SH3RF3: variants seen among roughly 807,000 people sequenced by gnomAD.
SH3RF3 encodes E3 ubiquitin-protein ligase SH3RF3.
In SH3RF3, 29 loss-of-function variants were observed where a neutral mutation model predicts 66.3. The ratio of observed to expected loss-of-function variants is 0.44; its 90% CI spans 0.33 to 0.60. SH3RF3 has a LOEUF of 0.60. Ranked by LOEUF, SH3RF3 falls within the 20% of genes least tolerant of loss-of-function variation. The pLI is 0.04. For synonymous variants in SH3RF3, 583 were observed against 532.0 expected (o/e 1.10, Z -1.32); for missense variants, 1,194 against 1,190.9 (o/e 1.00, Z -0.04).
chr2:109,241,328 C>A (rs2105220888), intron 1 of SH3RF3, among the ~76,000 whole-genome samples: 1 of 152,182 alleles, frequency 6.6e-6, no homozygotes, highest in Non-Finnish European at 1.5e-5. Context: ...GATATTGGAG[C>A]ATTTGAAGTG....
At chr2:109,266,849 T>C (rs941006535) in intron 1 of SH3RF3, among the ~76,000 whole-genome samples, 26 of 152,070 alleles carry the variant, frequency 1.7e-4, no homozygotes, top group Non-Finnish European at 5.9e-5. Flanking sequence ...CCTCCAAATA[T>C]TCAGAGCTGG....
chr2:109,363,620 T>C (rs1479041864), intron 2 of SH3RF3, among the ~76,000 whole-genome samples: 3 of 152,210 alleles, frequency 2.0e-5, no homozygotes, highest in Non-Finnish European at 4.4e-5. Context: ...TCCAAAGAAC[T>C]CTTTAAAAAC....
chr2:109,277,433 AT>A (rs1558997174), intron 1 of SH3RF3, among the ~76,000 whole-genome samples: 1 of 152,188 alleles, frequency 6.6e-6, no homozygotes, highest in Non-Finnish European at 1.5e-5. Context: ...CGACTGTATA[AT>A]TTCATAAGAT....
At position 109,330,672 on chromosome 2, in the gene SH3RF3, T is replaced by C. The variant is rs1218293696; in HGVS notation, c.574-17002T>C. ...GGAGGGATGATAGATTGAGGAGTGA[T>C]GGATGGATGGATGAATGATGGATGG... On this transcript the variant is annotated intron_variant, in intron 1 of 9. Coordinates refer to ENST00000309415, the MANE Select transcript of SH3RF3 (RefSeq NM_001099289.3). Among the ~76,000 whole-genome samples, 3 of 152,160 alleles carry C rather than the reference T, an allele frequency of 2.0e-5. No individual in the cohort carries two copies. The East Asian group carries it at 5.8e-4, about 29-fold the overall frequency.
intron 1 of SH3RF3, among the ~76,000 whole-genome samples, chr2:109,219,684 A>G (rs1331261243): frequency 1.3e-5 from 2 of 152,240 alleles, no homozygotes; most frequent in East Asian, 1.9e-4. Flanking sequence ...AAAAAATTCA[A>G]TTTGCAATCT....
At chr2:109,230,922 C>T (rs949206717) in intron 1 of SH3RF3, among the ~76,000 whole-genome samples, 1 of 152,224 alleles carries the variant, frequency 6.6e-6, no homozygotes, top group African/African-American at 2.4e-5. Flanking sequence ...TAAGGGACAG[C>T]TCAAACAGGA....
In SH3RF3 at chr2:109,423,643, G is replaced by A. The variant is rs555809534; in HGVS notation, c.1403+4001G>A. Among the ~76,000 whole-genome samples, 10 of 152,300 alleles carry A rather than the reference G, an allele frequency of 6.6e-5. No individual in the cohort carries two copies. The South Asian group carries it at 1.0e-3, about 16-fold the overall frequency. On this transcript the variant is annotated intron_variant, in intron 5 of 9. Coordinates refer to ENST00000309415, the MANE Select transcript of SH3RF3 (RefSeq NM_001099289.3). ...GCTTGGAACGAAGGCCTGGATCAGC[G>A]AAATCACCGGGTACTGCCCCCAAGA...
chr2:109,378,292 C>T (rs759419953), intron 3 of SH3RF3, among the ~76,000 whole-genome samples: 12 of 152,288 alleles, frequency 7.9e-5, no homozygotes, highest in East Asian at 7.8e-4. Context: ...CTTCCAAAGA[C>T]CCCCTCAGCT....
intron 3 of SH3RF3, among the ~76,000 whole-genome samples, chr2:109,381,311 GT>G (rs1675660914): frequency 6.6e-6 from 1 of 152,218 alleles, no homozygotes. Flanking sequence ...GGCTCCAGCT[GT>G]TTTTCTGCTT....
At position 109,503,885 on chromosome 2, in the gene SH3RF3, G is replaced by A. The variant is rs1679461008; in HGVS notation, c.*2214G>A. ...GGACACAGCCCACTGCATGCAGCATGGTAGAGAGCTGGGGCGAATATCTCC... is the reference window on the plus strand; with the variant it reads ...GGACACAGCCCACTGCATGCAGCATAGTAGAGAGCTGGGGCGAATATCTCC... On this transcript the variant is annotated 3_prime_UTR_variant, in exon 10 of 10. Coordinates refer to ENST00000309415, the MANE Select transcript of SH3RF3 (RefSeq NM_001099289.3). 6.6e-6 allele frequency: 1 copy of A among 152,212 alleles called. No individual in the cohort carries two copies. The highest frequency in any genetic ancestry group is 6.5e-5 in the Admixed American group (1 of 15,288). The allele number at this position is 152,212 out of a possible 1,614,324, so 9.4% of individuals were successfully genotyped here.
intron 1 of SH3RF3, among the ~76,000 whole-genome samples, chr2:109,295,022 A>C (rs974022187): frequency 5.3e-5 from 8 of 152,256 alleles, no homozygotes; most frequent in Non-Finnish European, 1.0e-4. Context: ...TGGATTAGCC[A>C]TCGCTATGAA....
chr2:109,222,350 C>G (rs1365292831), intron 1 of SH3RF3, among the ~76,000 whole-genome samples: 4 of 152,092 alleles, frequency 2.6e-5, no homozygotes, highest in Non-Finnish European at 5.9e-5. Flanking sequence ...TTGAATATGT[C>G]CCAACACAAA....
At chr2:109,482,576 G>A (rs1264499718) in intron 8 of SH3RF3, among the ~76,000 whole-genome samples, 1 of 152,164 alleles carries the variant, frequency 6.6e-6, no homozygotes, top group Admixed American at 6.5e-5. Context: ...CGCCCAGCCC[G>A]GGGCCATGAC....
At chr2:109,446,132 A>AT (rs1240049409) in intron 7 of SH3RF3, among the ~76,000 whole-genome samples, 3 of 152,088 alleles carry the variant, frequency 2.0e-5, no homozygotes. Context: ...GTGGGTGAAA[A>AT]TAAGGGTAAA....
chr2:109,313,374 G>C (rs1167841005), intron 1 of SH3RF3, among the ~76,000 whole-genome samples: 1 of 152,226 alleles, frequency 6.6e-6, no homozygotes, highest in African/African-American at 2.4e-5. Flanking sequence ...GCACAGCCCG[G>C]GATGAGACTG....
At position 109,437,166 on chromosome 2, in the gene SH3RF3, A is replaced by AC. The variant is rs752763633; in HGVS notation, c.1828+23dup. On this transcript the variant is annotated intron_variant, in intron 7 of 9. Transcript: ENST00000309415. Reference sequence around the variant, plus strand: ...CAACAGGTACCTTCACAGGGGCCTCACCCTGCAGGGCATCAACAAGGGGGC... The same window carrying AC: ...CAACAGGTACCTTCACAGGGGCCTCACCCCTGCAGGGCATCAACAAGGGGGC... 1.9e-6 allele frequency: 3 copies of AC among 1,593,928 alleles called. No homozygotes were observed. In the Admixed American group the frequency reaches 5.1e-5, roughly 27 times the overall value.
At chr2:109,172,374 C>T (rs916653125) in intron 1 of SH3RF3, among the ~76,000 whole-genome samples, 2 of 152,256 alleles carry the variant, frequency 1.3e-5, no homozygotes, top group Non-Finnish European at 2.9e-5. Context: ...GCACGGAGCT[C>T]AGCCGTCCTC....
chr2:109,267,868 G>C (rs911406620), intron 1 of SH3RF3, among the ~76,000 whole-genome samples: 2 of 152,102 alleles, frequency 1.3e-5, no homozygotes, highest in African/African-American at 4.8e-5. Context: ...AGGTTGCTTG[G>C]GAGGCCACTG....
intron 1 of SH3RF3, among the ~76,000 whole-genome samples, chr2:109,346,222 T>C (rs532746852): frequency 1.3e-5 from 2 of 152,308 alleles, no homozygotes; most frequent in South Asian, 4.1e-4. Flanking sequence ...AAAAATCCTC[T>C]GGTGTTACTG....
Sources: allele counts gnomAD v4.1 joint callset (sites outside exome capture counted in the v4.1 genomes callset), GRCh38; gene constraint gnomAD v4.1.1; transcripts MANE v1.5; gene names NCBI Gene and HGNC (gene_info 2026-07-23, HGNC 2026-07-21).